SBF2: variants seen among roughly 807,000 people sequenced by gnomAD.
The protein encoded by SBF2 is SET binding factor 2, also known as myotubularin-related protein 13.
A neutral mutation model predicts 225.2 loss-of-function variants in SBF2; 112 were observed. The ratio of observed to expected loss-of-function variants is 0.50; its 90% CI spans 0.43 to 0.58. The LOEUF (loss-of-function observed/expected upper bound fraction) is 0.58. Ranked by LOEUF, SBF2 falls within the 20% of genes least tolerant of loss-of-function variation. The pLI is 0.00. For synonymous variants in SBF2, 763 were observed against 773.3 expected (o/e 0.99, Z 0.22); for missense variants, 1,996 against 2,206.2 (o/e 0.90, Z 1.91).
intron 2 of SBF2, among the ~76,000 whole-genome samples, chr11:10,151,050 T>A (rs1474590835): frequency 6.6e-6 from 1 of 152,216 alleles, no homozygotes; most frequent in Non-Finnish European, 1.5e-5. Context: ...TTCCCAACTT[T>A]CTATGCTAAA....
intron 16 of SBF2, among the ~76,000 whole-genome samples, chr11:9,925,439 G>A (rs1292970997): frequency 2.6e-5 from 4 of 152,100 alleles, no homozygotes; most frequent in East Asian, 1.9e-4. Flanking sequence ...CACCACGCCC[G>A]ACTAATTTTG....
chr11:10,126,330 T>A (rs1242231278), intron 2 of SBF2, among the ~76,000 whole-genome samples: 2 of 152,096 alleles, frequency 1.3e-5, no homozygotes, highest in Non-Finnish European at 2.9e-5. Context: ...ATTTTTGGAG[T>A]TTCATTATCA....
chr11:9,926,550 C>T (rs938965607), intron 16 of SBF2, among the ~76,000 whole-genome samples: 1 of 152,084 alleles, frequency 6.6e-6, no homozygotes, highest in African/African-American at 2.4e-5. Flanking sequence ...AGCATGTTAT[C>T]TGAACATGAT....
At chr11:9,946,153 T>C (rs1185810937) in intron 16 of SBF2, among the ~76,000 whole-genome samples, 3 of 152,194 alleles carry the variant, frequency 2.0e-5, no homozygotes, top group Non-Finnish European at 2.9e-5. Context: ...TGCAGCACTA[T>C]TCACAACAGC....
At chr11:9,888,844 T>C (rs932680677) in intron 17 of SBF2, among the ~76,000 whole-genome samples, 1 of 152,236 alleles carries the variant, frequency 6.6e-6, no homozygotes, top group African/African-American at 2.4e-5. Context: ...CTAGGTAGTA[T>C]AGATTCTTTC....
intron 2 of SBF2, among the ~76,000 whole-genome samples, chr11:10,142,419 A>T: frequency 6.6e-6 from 1 of 152,212 alleles, no homozygotes; most frequent in East Asian, 1.9e-4. Flanking sequence ...AGCCTCTTCC[A>T]TCAAAGCCAC....
rs753471479 is a variant in SBF2, at chr11:10,000,897, T to TA, written c.861+16dup. ...TTCTGGACTCAATAACTGGAAACTT[T>TA]AAAGATGAATACTTACAAGTTCATG... On this transcript the variant is annotated intron_variant, in intron 8 of 39. Transcript: ENST00000256190. 2.2e-6 allele frequency: 3 copies of TA among 1,348,000 alleles called. No individual in the cohort carries two copies. In the South Asian group the frequency reaches 3.5e-5, roughly 16 times the overall value. The allele number at this position is 1,348,000 out of a possible 1,614,324, so 83.5% of individuals were successfully genotyped here.
At chr11:10,107,361 AAGAC>A (rs1179781888) in intron 2 of SBF2, among the ~76,000 whole-genome samples, 5 of 152,248 alleles carry the variant, frequency 3.3e-5, no homozygotes, top group African/African-American at 1.2e-4. Flanking sequence ...TGCAATAACA[AAGAC>A]AGATCTCAAA....
intron 17 of SBF2, among the ~76,000 whole-genome samples, chr11:9,892,848 C>T (rs565614862): frequency 7.3e-5 from 11 of 150,626 alleles, no homozygotes; most frequent in African/African-American, 1.5e-4. Context: ...CATGAGCCAC[C>T]GTACCCGGTA....
At chr11:10,106,660 TA>T (rs757602276) in intron 2 of SBF2, among the ~76,000 whole-genome samples, 32 of 147,368 alleles carry the variant, frequency 2.2e-4, no homozygotes, top group Non-Finnish European at 3.4e-4. Context: ...CCCACACAAT[TA>T]AAAAACTAAC....
At chr11:10,218,890 C>A (rs1219794238) in intron 1 of SBF2, among the ~76,000 whole-genome samples, 6 of 152,224 alleles carry the variant, frequency 3.9e-5, no homozygotes, top group Non-Finnish European at 8.8e-5. Flanking sequence ...CAGCCCTGTG[C>A]AGCTTGATTC....
At chr11:10,063,656 C>A (rs1253706191) in intron 2 of SBF2, among the ~76,000 whole-genome samples, 4 of 151,380 alleles carry the variant, frequency 2.6e-5, no homozygotes, top group Admixed American at 1.3e-4. Context: ...CGCGCCTGGC[C>A]AAAAATTTTT....
chr11:9,973,772 G>A (rs1946558208), intron 13 of SBF2, among the ~76,000 whole-genome samples: 2 of 152,076 alleles, frequency 1.3e-5, no homozygotes. Flanking sequence ...AGCAAAGCAA[G>A]GCACAACAAA....
chr11:9,934,269 A>G (rs1050083908), intron 16 of SBF2, among the ~76,000 whole-genome samples: 1 of 152,224 alleles, frequency 6.6e-6, no homozygotes, highest in Non-Finnish European at 1.5e-5. Context: ...AAGAAGTTGA[A>G]TCTCTGAATA....
At chr11:10,287,855 GA>G (rs973497661) in intron 1 of SBF2, among the ~76,000 whole-genome samples, 5 of 152,234 alleles carry the variant, frequency 3.3e-5, no homozygotes, top group African/African-American at 1.2e-4. Flanking sequence ...ATGCCTCCAA[GA>G]AAGACTGGAG....
At chr11:10,090,519 C>T (rs1490939015) in intron 2 of SBF2, among the ~76,000 whole-genome samples, 2 of 152,056 alleles carry the variant, frequency 1.3e-5, no homozygotes, top group Middle Eastern at 3.2e-3. Context: ...AATTCCAGCA[C>T]TTTGGGAGGC....
At chr11:9,785,364 A>AAAT in intron 36 of SBF2, 46 bp from the exon 37 acceptor site, 6 of 1,474,248 alleles carry the variant, frequency 4.1e-6, no homozygotes, top group Non-Finnish European at 4.7e-6. Flanking sequence ...CAGACACTTA[A>AAAT]ACTACTGACT....
Position 9,842,650 on chromosome 11 carries a change from T to C in SBF2, c.3231A>G (p.Gly1077=), listed in dbSNP as rs199985349. 1.2e-6 allele frequency: 2 copies of C among 1,614,098 alleles called. No individual in the cohort carries two copies. Among genetic ancestry groups the C allele is most frequent in the Non-Finnish European group, 1.7e-6 (2 of 1,179,970 alleles). ...TIVEERVNRP[G]WNEDDDVSVS... is the part of the protein sequence containing the mutation. ...CAGATACATCATCATCTTCATTCCA[T>C]CCAGGACGATTTACTCTTTCTTCCA... is the stretch of plus-strand genomic sequence containing the variant. The change falls in exon 25 of 40, where the codon GGA becomes GGG. Residue 1077 remains glycine, a synonymous_variant. Transcript: ENST00000256190.
intron 29 of SBF2, 170 bp from the exon 30 acceptor site, chr11:9,812,878 G>T: frequency 1.4e-6 from 1 of 700,826 alleles, no homozygotes; most frequent in Non-Finnish European, 2.5e-6. Flanking sequence ...GTGTTGGTGG[G>T]AACAGCCATT....
Sources: gnomAD v4.1 joint callset for allele counts (sites outside exome capture counted in the v4.1 genomes callset) on GRCh38, gnomAD v4.1.1 for gene constraint, MANE v1.5 for transcripts, NCBI Gene and HGNC (gene_info 2026-07-23, HGNC 2026-07-21) for gene names.